The following PINX1 variants were observed in gnomAD, a reference collection of about 807,000 sequenced individuals.
The protein encoded by PINX1 is PIN2 (TERF1) interacting telomerase inhibitor 1.
Under a neutral mutation model 25.4 loss-of-function variants are expected in PINX1, and 34 were observed. That is an observed-to-expected ratio of 1.34 (90% CI 1.02 to 1.78). The LOEUF (loss-of-function observed/expected upper bound fraction) is 1.78, where lower values mean the gene tolerates loss of function less well. PINX1 is among the 40% of genes most tolerant of loss of function. The probability of loss-of-function intolerance (pLI) is 0.00; values close to 1 mark genes in which losing one functional copy is unlikely to be tolerated. For missense variants in PINX1, 592 were observed against 404.9 expected, an observed-to-expected ratio of 1.46 and a Z score of -3.97; for synonymous variants, 197 against 147.7, an observed-to-expected ratio of 1.33 and a Z score of -2.42.
At position 10,765,506 on chromosome 8, in the gene PINX1, T is replaced by C. The variant is rs183228335; in HGVS notation, c.882A>G (p.Lys294=). 9 of 1,613,762 alleles carry C rather than the reference T, an allele frequency of 5.6e-6. No homozygotes were observed. The highest frequency in any genetic ancestry group is 7.6e-6 in the Non-Finnish European group (9 of 1,179,896). Residue 294 remains lysine, a synonymous_variant, in exon 7 of 7, where the codon AAA becomes AAG. Coordinates refer to ENST00000314787, the MANE Select transcript of PINX1 (RefSeq NM_017884.6). Reference sequence around the variant, plus strand: ...GCAGCTTTTTCTTCCCTCTCCTCTTTTTGGGCTTCAGGGTGAAGTCCCGGC... The same window carrying C: ...GCAGCTTTTTCTTCCCTCTCCTCTTCTTGGGCTTCAGGGTGAAGTCCCGGC... ...PEGRDFTLKP[K]KRRGKKKLQK...
chr8:10,827,027 G>C (rs1798073254), intron 4 of PINX1, among the ~76,000 whole-genome samples: 1 of 152,206 alleles, frequency 6.6e-6, no homozygotes, highest in Non-Finnish European at 1.5e-5. Flanking sequence ...GCTAAGGTTT[G>C]TGGTGCAGTT....
chr8:10,802,157 A>G (rs935112327), intron 6 of PINX1, among the ~76,000 whole-genome samples: 1 of 152,198 alleles, frequency 6.6e-6, no homozygotes, highest in Non-Finnish European at 1.5e-5. Flanking sequence ...ACTTTAGCAT[A>G]ATCAAGAACT....
intron 6 of PINX1, among the ~76,000 whole-genome samples, chr8:10,780,430 T>C (rs2129073674): frequency 6.6e-6 from 1 of 152,316 alleles, no homozygotes; most frequent in African/African-American, 2.4e-5. Flanking sequence ...CAATAAAGGA[T>C]GCTGAATGCT....
chr8:10,802,055 C>G (rs1802280641), intron 6 of PINX1, among the ~76,000 whole-genome samples: 1 of 150,736 alleles, frequency 6.6e-6, no homozygotes, highest in Non-Finnish European at 1.5e-5. Flanking sequence ...GGAAGATGTA[C>G]AAAGAAGAAA....
At chr8:10,839,222 GA>G (rs1038085142) in intron 1 of PINX1, among the ~76,000 whole-genome samples, 8 of 152,180 alleles carry the variant, frequency 5.3e-5, no homozygotes, top group African/African-American at 1.4e-4. Flanking sequence ...GTCTCACTTA[GA>G]ATTACACATT....
At chr8:10,820,360 G>A (rs1797830427) in intron 5 of PINX1, 91 bp from the exon 6 acceptor site, 1 of 872,510 alleles carries the variant, frequency 1.1e-6, no homozygotes, top group Non-Finnish European at 1.9e-6. Flanking sequence ...AAAGGAAAAT[G>A]GCTTTTGGGA....
intron 6 of PINX1, among the ~76,000 whole-genome samples, chr8:10,770,052 GT>G (rs1289184571): frequency 6.6e-6 from 1 of 152,232 alleles, no homozygotes; most frequent in Non-Finnish European, 1.5e-5. Flanking sequence ...GCTTAAAAGA[GT>G]TTTATAATTT....
At chr8:10,772,295 C>A (rs1023116548) in intron 6 of PINX1, among the ~76,000 whole-genome samples, 1 of 152,206 alleles carries the variant, frequency 6.6e-6, no homozygotes, top group Non-Finnish European at 1.5e-5. Flanking sequence ...ACAACCTGGG[C>A]AAGCTGATTC....
intron 6 of PINX1, among the ~76,000 whole-genome samples, chr8:10,811,333 A>C (rs1401093850): frequency 1.3e-5 from 2 of 152,202 alleles, no homozygotes; most frequent in Non-Finnish European, 2.9e-5. Flanking sequence ...AAGAAACCAG[A>C]GTAGAACATT....
chr8:10,765,176 A>T lies in PINX1; in HGVS notation c.*225T>A. 1.9e-6 allele frequency: 1 copy of T among 522,550 alleles called. No individual in the cohort carries two copies. The allele number at this position is 522,550 out of a possible 1,614,324, so 32.4% of individuals were successfully genotyped here. A position where few individuals can be genotyped will look rare whatever the true frequency, so the allele number is the denominator to read the frequency against. ...TGAAGGGCTCAGAGTTTACAAAAAAATTTATTTGTGTCTGAGAGCCACGAT... is the reference window on the plus strand; with the variant it reads ...TGAAGGGCTCAGAGTTTACAAAAAATTTTATTTGTGTCTGAGAGCCACGAT... On this transcript the variant is annotated 3_prime_UTR_variant, in exon 7 of 7. Transcript: ENST00000314787.
At chr8:10,818,568 T>C in intron 6 of PINX1, among the ~76,000 whole-genome samples, 1 of 152,106 alleles carries the variant, frequency 6.6e-6, no homozygotes, top group East Asian at 1.9e-4. Flanking sequence ...ATAGAGGGTG[T>C]CCGGGAGGGC....
chr8:10,823,119 A>G (rs980446514), intron 5 of PINX1, among the ~76,000 whole-genome samples: 7 of 152,230 alleles, frequency 4.6e-5, no homozygotes, highest in African/African-American at 1.7e-4. Flanking sequence ...TTTAAATGTC[A>G]AAAGAATCAG....
chr8:10,778,219 T>C (rs1801454790), intron 6 of PINX1, among the ~76,000 whole-genome samples: 1 of 152,142 alleles, frequency 6.6e-6, no homozygotes, highest in African/African-American at 2.4e-5. Context: ...GATAATGAAC[T>C]CATGAAAGTT....
At chr8:10,771,260 T>G (rs1406993742) in intron 6 of PINX1, 1 of 152,200 alleles carries the variant, frequency 6.6e-6, no homozygotes, top group Non-Finnish European at 1.5e-5. Flanking sequence ...GTCAGCTGTG[T>G]GTGTACTTTA....
intron 6 of PINX1, among the ~76,000 whole-genome samples, chr8:10,819,827 G>C (rs1262620593): frequency 6.6e-6 from 1 of 152,134 alleles, no homozygotes; most frequent in African/African-American, 2.4e-5. Flanking sequence ...TCCAAGTGGA[G>C]TAATGCAGTT....
chr8:10,773,033 T>G (rs989714829), intron 6 of PINX1, among the ~76,000 whole-genome samples: 4 of 152,198 alleles, frequency 2.6e-5, no homozygotes, highest in Non-Finnish European at 5.9e-5. Context: ...CTTAAAGTTT[T>G]GAATTTCCTC....
intron 4 of PINX1, among the ~76,000 whole-genome samples, chr8:10,830,021 A>T (rs960537842): frequency 6.6e-6 from 1 of 152,200 alleles, no homozygotes; most frequent in African/African-American, 2.4e-5. Context: ...TGTGATCGTA[A>T]ATATCAAGAT....
Position 10,768,176 on chromosome 8 carries a change from C to T in PINX1, c.472-2260G>A, listed in dbSNP as rs545988851. ...CACACAGAGACAGACTCGGTGACGA[C>T]GGCTGGCTCGTTTATGCAACAGAAG... On this transcript the variant is annotated intron_variant, in intron 6 of 6. Coordinates refer to ENST00000314787, the MANE Select transcript of PINX1 (RefSeq NM_017884.6). 1.4e-3 allele frequency among the ~76,000 whole-genome samples: 211 copies of T among 152,248 alleles called. 1 individual carries two copies. Among genetic ancestry groups the T allele is most frequent in the African/African-American group, 4.8e-3 (198 of 41,544 alleles).
Position 10,819,782 on chromosome 8 carries a change from G to C in PINX1, c.471+411C>G, listed in dbSNP as rs183286589. ...GTTAGAATGGGACAGGCTGGTTCTAGAGAATGAAGGTGACATGCTTCCTCC... is the reference window on the plus strand; with the variant it reads ...GTTAGAATGGGACAGGCTGGTTCTACAGAATGAAGGTGACATGCTTCCTCC... On this transcript the variant is annotated intron_variant, in intron 6 of 6. Coordinates refer to ENST00000314787, the MANE Select transcript of PINX1 (RefSeq NM_017884.6). 3.0e-3 allele frequency among the ~76,000 whole-genome samples: 457 copies of C among 152,282 alleles called. 17 individuals are homozygous for C. The highest frequency in any genetic ancestry group is 0.029 in the Admixed American group (445 of 15,294).
Sources: gnomAD v4.1 joint callset for allele counts (sites outside exome capture counted in the v4.1 genomes callset) on GRCh38, gnomAD v4.1.1 for gene constraint, MANE v1.5 for transcripts, NCBI Gene and HGNC (gene_info 2026-07-23, HGNC 2026-07-21) for gene names.